The following TBC1D15 variants were observed in gnomAD, a reference collection of about 807,000 sequenced individuals.
TBC1D15 encodes GAP for RAB7.
Under a neutral mutation model 95.4 loss-of-function variants are expected in TBC1D15, and 39 were observed. That is an observed-to-expected ratio of 0.41 (90% CI 0.32 to 0.53). The LOEUF is 0.53. Ranked by LOEUF, TBC1D15 falls within the 20% of genes least tolerant of loss-of-function variation. The probability of loss-of-function intolerance (pLI) is 0.29; values close to 1 mark genes in which losing one functional copy is unlikely to be tolerated. For synonymous variants in TBC1D15, 258 were observed against 261.3 expected, an observed-to-expected ratio of 0.99 and a Z score of 0.12; for missense variants, 733 against 794.3, an observed-to-expected ratio of 0.92 and a Z score of 0.93.
chr12:71,868,851 A>C (rs1165010030), intron 1 of TBC1D15: 1 of 152,150 alleles, frequency 6.6e-6, no homozygotes, highest in Non-Finnish European at 1.5e-5. Flanking sequence ...TTCCACTATG[A>C]GAGTTAGGAA....
At chr12:71,860,698 A>C (rs1393257509) in intron 1 of TBC1D15, among the ~76,000 whole-genome samples, 1 of 152,104 alleles carries the variant, frequency 6.6e-6, no homozygotes, top group Non-Finnish European at 1.5e-5. Context: ...GATTCTTTAC[A>C]ATTTGGATGT....
intron 1 of TBC1D15, among the ~76,000 whole-genome samples, chr12:71,859,921 T>C (rs1302636608): frequency 6.6e-6 from 1 of 152,194 alleles, no homozygotes; most frequent in African/African-American, 2.4e-5. Context: ...TTTCAATCCA[T>C]TTTGAGTTGA....
chr12:71,863,285 G>A (rs1185865089), intron 1 of TBC1D15, among the ~76,000 whole-genome samples: 1 of 152,144 alleles, frequency 6.6e-6, no homozygotes, highest in Non-Finnish European at 1.5e-5. Flanking sequence ...GGCTGAGGCA[G>A]GAGAATGGCA....
Position 71,885,004 on chromosome 12 carries a change from A to AT in TBC1D15, c.538dup (p.Tyr180LeufsTer6), listed in dbSNP as rs1566009617. On this transcript the variant is annotated frameshift_variant, in exon 5 of 17. Transcript: ENST00000485960. LOFTEE classifies it high-confidence loss of function. ...AACTACTGATTGAATCTCTTGAAAA[A>AT]TATGTGGTATTGTGTGAGTAAGTAT... 6.2e-7 allele frequency: 1 copy of AT among 1,613,690 alleles called. No homozygotes were observed. Among genetic ancestry groups the AT allele is most frequent in the East Asian group, 2.2e-5 (1 of 44,850 alleles).
At chr12:71,857,603 A>G (rs1051290147) in intron 1 of TBC1D15, among the ~76,000 whole-genome samples, 2 of 152,190 alleles carry the variant, frequency 1.3e-5, no homozygotes, top group African/African-American at 4.8e-5. Context: ...ATAATTGTAC[A>G]TATTTATGGG....
chr12:71,901,168 G>A (rs574943768), intron 10 of TBC1D15, among the ~76,000 whole-genome samples: 5 of 152,114 alleles, frequency 3.3e-5, no homozygotes, highest in East Asian at 1.9e-4. Flanking sequence ...CTGCATGCAC[G>A]CACCATCACA....
At chr12:71,870,445 C>G (rs1198625619) in intron 1 of TBC1D15, among the ~76,000 whole-genome samples, 1 of 152,168 alleles carries the variant, frequency 6.6e-6, no homozygotes, top group Admixed American at 6.5e-5. Flanking sequence ...TGCTTAACAG[C>G]TATTTCAGGA....
At chr12:71,870,631 T>C (rs1461019978) in intron 1 of TBC1D15, among the ~76,000 whole-genome samples, 1 of 152,246 alleles carries the variant, frequency 6.6e-6, no homozygotes, top group Non-Finnish European at 1.5e-5. Context: ...CAGTTTTCTG[T>C]TGTCAGACTC....
chr12:71,916,827 G>C (rs1381585827), intron 12 of TBC1D15, among the ~76,000 whole-genome samples: 4 of 152,052 alleles, frequency 2.6e-5, no homozygotes, highest in African/African-American at 9.7e-5. Context: ...ATGAACCCCA[G>C]CAGTTCCCAA....
intron 11 of TBC1D15, among the ~76,000 whole-genome samples, chr12:71,910,440 A>C (rs1471128034): frequency 6.6e-6 from 1 of 151,410 alleles, no homozygotes. Flanking sequence ...TGAATCTATA[A>C]ATTAACTTGG....
intron 1 of TBC1D15, among the ~76,000 whole-genome samples, chr12:71,855,403 A>G (rs565146592): frequency 2.6e-4 from 39 of 152,250 alleles, no homozygotes; most frequent in African/African-American, 8.9e-4. Context: ...TAGCTGAATG[A>G]ATCATAAGGC....
In TBC1D15 at chr12:71,894,287, G is replaced by A. The variant is rs375159115; in HGVS notation, c.658-399G>A. On this transcript the variant is annotated intron_variant, in intron 6 of 16. Coordinates refer to ENST00000485960, the MANE Select transcript of TBC1D15 (RefSeq NM_001146213.3). ...AAATATTTTGTGTCAGAATAGCATG[G>A]TGGTACACACTTCAAGAAATATTTT... 196 of 1,589,780 alleles carry A rather than the reference G, an allele frequency of 1.2e-4. 1 individual carries two copies. The highest frequency in any genetic ancestry group is 1.6e-4 in the Non-Finnish European group (181 of 1,159,486).
At chr12:71,840,996 T>C (rs1884858944) in intron 1 of TBC1D15, 1 of 152,230 alleles carries the variant, frequency 6.6e-6, no homozygotes. Flanking sequence ...AACATAAAAT[T>C]ACACACTTGT....
intron 4 of TBC1D15, among the ~76,000 whole-genome samples, chr12:71,884,379 C>T (rs990930275): frequency 5.3e-5 from 8 of 152,040 alleles, no homozygotes; most frequent in Admixed American, 1.3e-4. Context: ...AAAGTATTAT[C>T]TCCTAATTCT....
chr12:71,877,549 TTCCTTCC>T (rs2138411253), intron 3 of TBC1D15, among the ~76,000 whole-genome samples: 1 of 132,260 alleles, frequency 7.6e-6, no homozygotes, highest in East Asian at 2.0e-4. Flanking sequence ...CCTTCCTTCC[TTCCTTCC>T]TTCCTTTCTT....
At chr12:71,890,356 G>C (rs1199693391) in intron 5 of TBC1D15, among the ~76,000 whole-genome samples, 1 of 152,084 alleles carries the variant, frequency 6.6e-6, no homozygotes, top group Non-Finnish European at 1.5e-5. Flanking sequence ...AGGAAATCTT[G>C]GTTTCAGCCT....
chr12:71,873,032 G>A (rs1345436668), intron 3 of TBC1D15, 29 bp downstream of exon 3: 4 of 1,449,632 alleles, frequency 2.8e-6, no homozygotes, highest in African/African-American at 2.8e-5. Flanking sequence ...TGTTACTAAG[G>A]GAATGCCATT....
intron 1 of TBC1D15, among the ~76,000 whole-genome samples, chr12:71,863,436 A>C (rs373806652): frequency 2.0e-5 from 3 of 152,172 alleles, no homozygotes; most frequent in Non-Finnish European, 2.9e-5. Context: ...ACTTCCTTAT[A>C]TGTGACTTGA....
chr12:71,893,696 AT>A (rs1897626427), intron 6 of TBC1D15, among the ~76,000 whole-genome samples: 1 of 151,906 alleles, frequency 6.6e-6, no homozygotes, highest in African/African-American at 2.4e-5. Flanking sequence ...TCTGGTTTGA[AT>A]TTAAGTAGAT....
Sources: allele counts gnomAD v4.1 joint callset (sites outside exome capture counted in the v4.1 genomes callset), GRCh38; gene constraint gnomAD v4.1.1; transcripts MANE v1.5; gene names NCBI Gene and HGNC (gene_info 2026-07-23, HGNC 2026-07-21).